VEPH1: variants seen among roughly 807,000 people sequenced by gnomAD.
VEPH1 encodes the protein ventricular zone expressed PH domain containing 1.
VEPH1 carries 80 observed loss-of-function variants against 85.2 expected under a neutral mutation model. That is an observed-to-expected ratio of 0.94 (90% CI 0.78 to 1.13). The LOEUF (loss-of-function observed/expected upper bound fraction) is 1.13. VEPH1 is among the 50% of genes most tolerant of loss of function. The pLI, the probability that VEPH1 is intolerant of heterozygous loss-of-function variation, is 0.00. For missense variants in VEPH1, 955 were observed against 980.5 expected, an observed-to-expected ratio of 0.97 and a Z score of 0.35; for synonymous variants, 297 against 348.0, an observed-to-expected ratio of 0.85 and a Z score of 1.63.
chr3:157,445,296 A>G (rs571656708), intron 4 of VEPH1, among the ~76,000 whole-genome samples: 75 of 152,172 alleles, frequency 4.9e-4, no homozygotes, highest in Non-Finnish European at 8.8e-4. Context: ...TGATCACTCA[A>G]TCTAATTTTG....
At chr3:157,262,332 T>A (rs954690624) in intron 13 of VEPH1, among the ~76,000 whole-genome samples, 1 of 152,174 alleles carries the variant, frequency 6.6e-6, no homozygotes, top group Non-Finnish European at 1.5e-5. Context: ...TTAATAATTA[T>A]TAAGCTTGGC....
intron 10 of VEPH1, chr3:157,316,096 G>T (rs1720727474): frequency 1.3e-5 from 2 of 151,836 alleles, no homozygotes; most frequent in Non-Finnish European, 2.9e-5. Context: ...AATTGCTATA[G>T]TTCTACTTTA....
At chr3:157,355,306 C>T (rs1261702420) in intron 9 of VEPH1, among the ~76,000 whole-genome samples, 3 of 152,186 alleles carry the variant, frequency 2.0e-5, no homozygotes, top group African/African-American at 7.2e-5. Context: ...CCTGGTACTG[C>T]CAGGTTCTCA....
At chr3:157,410,768 T>A (rs1309566145) in intron 6 of VEPH1, among the ~76,000 whole-genome samples, 4 of 152,136 alleles carry the variant, frequency 2.6e-5, no homozygotes. Context: ...TGATCCTAAA[T>A]AAAATGGAAA....
intron 6 of VEPH1, 71 bp from the exon 7 acceptor site, chr3:157,381,447 G>A (rs993834905): frequency 6.6e-7 from 1 of 1,512,604 alleles, no homozygotes. Context: ...GGTCATGCCT[G>A]TAATCCCAGC....
At chr3:157,346,212 A>G (rs1303669930) in intron 9 of VEPH1, among the ~76,000 whole-genome samples, 2 of 152,182 alleles carry the variant, frequency 1.3e-5, no homozygotes, top group Non-Finnish European at 2.9e-5. Context: ...CAGTCTGGGT[A>G]TAGGCCTCTT....
At chr3:157,363,233 G>T in intron 9 of VEPH1, 131 bp downstream of exon 9, 1 of 832,434 alleles carries the variant, frequency 1.2e-6, no homozygotes, top group Non-Finnish European at 1.8e-6. Context: ...CATAATGTAA[G>T]GTATTTAAAA....
At chr3:157,431,380 T>C (rs1202285104) in intron 4 of VEPH1, among the ~76,000 whole-genome samples, 1 of 152,158 alleles carries the variant, frequency 6.6e-6, no homozygotes, top group Non-Finnish European at 1.5e-5. Context: ...CTGAATTTCT[T>C]GGTTTGTGGC....
intron 7 of VEPH1, among the ~76,000 whole-genome samples, chr3:157,372,566 A>G (rs1727627861): frequency 6.6e-6 from 1 of 152,224 alleles, no homozygotes; most frequent in Non-Finnish European, 1.5e-5. Context: ...ATCACCTTTC[A>G]TTTATTAAAT....
At chr3:157,363,056 A>G (rs1213727325) in intron 9 of VEPH1, among the ~76,000 whole-genome samples, 1 of 152,172 alleles carries the variant, frequency 6.6e-6, no homozygotes, top group Non-Finnish European at 1.5e-5. Context: ...TCAGGGTCAC[A>G]GACCTCTTTC....
chr3:157,394,743 T>C (rs540718497), intron 6 of VEPH1, among the ~76,000 whole-genome samples: 1 of 152,224 alleles, frequency 6.6e-6, no homozygotes, highest in East Asian at 1.9e-4. Flanking sequence ...GCAGCATACC[T>C]CACTCTGAAA....
intron 7 of VEPH1, among the ~76,000 whole-genome samples, chr3:157,372,092 G>T (rs577900762): frequency 1.8e-4 from 28 of 152,292 alleles, no homozygotes; most frequent in African/African-American, 6.5e-4. Context: ...TGACTTTATC[G>T]TCTGGGCACA....
chr3:157,287,770 G>A (rs1716968897), intron 11 of VEPH1, among the ~76,000 whole-genome samples: 1 of 152,004 alleles, frequency 6.6e-6, no homozygotes, highest in African/African-American at 2.4e-5. Context: ...ATGCCGTGTT[G>A]GCCAGGCTGG....
chr3:157,311,903 CCTTT>C (rs1720152945), intron 11 of VEPH1, among the ~76,000 whole-genome samples: 1 of 152,104 alleles, frequency 6.6e-6, no homozygotes, highest in African/African-American at 2.4e-5. Context: ...TGTGGCATTT[CCTTT>C]ATTTTTAATA....
intron 4 of VEPH1, among the ~76,000 whole-genome samples, chr3:157,452,959 C>T (rs1433485570): frequency 7.2e-5 from 11 of 152,172 alleles, no homozygotes; most frequent in Admixed American, 7.2e-4. Flanking sequence ...ACTCCCATTC[C>T]CTGCTTTGAG....
At chr3:157,311,786 A>G (rs907768843) in intron 11 of VEPH1, among the ~76,000 whole-genome samples, 13 of 152,194 alleles carry the variant, frequency 8.5e-5, no homozygotes, top group Admixed American at 6.5e-5. Flanking sequence ...ACAGTTAGCA[A>G]TAAAAAATTT....
At position 157,360,334 on chromosome 3, in the gene VEPH1, C is replaced by T. The variant is rs931393470; in HGVS notation, c.1735+3030G>A. Among the ~76,000 whole-genome samples, 8 of 151,992 alleles carry T rather than the reference C, an allele frequency of 5.3e-5. No individual in the cohort carries two copies. The East Asian group carries it at 5.8e-4, about 11-fold the overall frequency. ...GTGCAAGGAATTGCCCAGGAAATTC[C>T]GAGAGTATGAATGAATTCCAAAATG... On this transcript the variant is annotated intron_variant, in intron 9 of 13. Transcript: ENST00000362010.
At chr3:157,267,541 T>C (rs918642643) in intron 12 of VEPH1, among the ~76,000 whole-genome samples, 1 of 151,846 alleles carries the variant, frequency 6.6e-6, no homozygotes, top group Non-Finnish European at 1.5e-5. Context: ...TCCCAGCACT[T>C]TGGGAGGCCG....
At chr3:157,278,490 T>C (rs1715685965) in intron 12 of VEPH1, among the ~76,000 whole-genome samples, 1 of 152,188 alleles carries the variant, frequency 6.6e-6, no homozygotes. Context: ...GGATATGTTA[T>C]GAAGTTTGGT....
Sources: allele counts gnomAD v4.1 joint callset (sites outside exome capture counted in the v4.1 genomes callset), GRCh38; gene constraint gnomAD v4.1.1; transcripts MANE v1.5; gene names NCBI Gene and HGNC (gene_info 2026-07-23, HGNC 2026-07-21).